The following DLGAP2 variants were observed in gnomAD, a reference collection of about 807,000 sequenced individuals.
DLGAP2 encodes DLG associated protein 2, also known as disks large-associated protein 2.
Under a neutral mutation model 100.3 loss-of-function variants are expected in DLGAP2, and 26 were observed. That is an observed-to-expected ratio of 0.26 (90% CI 0.19 to 0.36). DLGAP2 has a LOEUF of 0.36. DLGAP2 is among the 10% of genes least tolerant of loss of function. DLGAP2 has a pLI of 1.00. For synonymous variants in DLGAP2, 886 were observed against 630.1 expected, an observed-to-expected ratio of 1.41 and a Z score of -6.08; for missense variants, 1,858 against 1,453.2, an observed-to-expected ratio of 1.28 and a Z score of -4.53.
rs557368526 is a variant in DLGAP2 at position 1,043,055 on chromosome 8, A to G, written c.73+135089A>G. On this transcript the variant is annotated intron_variant, in intron 2 of 14. Transcript: ENST00000637795. ...GATGTGGGTGGTGGATGTGGCTGGC[A>G]GGTGGTGGATGTGGGTGGTGGATGT... Among the ~76,000 whole-genome samples, 178 of 36,618 alleles carry G rather than the reference A, an allele frequency of 4.9e-3. 1 individual carries two copies. Among genetic ancestry groups the G allele is most frequent in the Non-Finnish European group, 9.0e-3 (161 of 17,922 alleles). 24.0% of individuals were successfully genotyped at this position (36,618 alleles called of 152,430 possible).
In DLGAP2 at chr8:1,530,254, C is replaced by T. The variant is rs548587768; in HGVS notation, c.173-18372C>T. ...GGGGGGGCTGTTTATAAGCCTATAC[C>T]TCCAGGCACGTATTCTCTTTCCCAG... On this transcript the variant is annotated intron_variant, in intron 4 of 14. Transcript: ENST00000637795. Among the ~76,000 whole-genome samples, 7 of 152,228 alleles carry T rather than the reference C, an allele frequency of 4.6e-5. No homozygotes were observed. The South Asian group carries it at 1.2e-3, about 27-fold the overall frequency.
intron 12 of DLGAP2, 82 bp from the exon 13 acceptor site, chr8:1,691,453 C>A: frequency 1.6e-6 from 2 of 1,215,520 alleles, no homozygotes; most frequent in South Asian, 1.3e-5. Flanking sequence ...GACTCGCTCC[C>A]TTGGTGTGAT....
chr8:1,524,289 T>A (rs1217152882), intron 4 of DLGAP2, among the ~76,000 whole-genome samples: 6 of 151,932 alleles, frequency 3.9e-5, no homozygotes, highest in Non-Finnish European at 5.9e-5. Context: ...CCTTAGAAGG[T>A]TGTCTCTTTA....
chr8:878,929 T>C (rs1298007243), intron 1 of DLGAP2, among the ~76,000 whole-genome samples: 2 of 152,174 alleles, frequency 1.3e-5, no homozygotes, highest in Non-Finnish European at 2.9e-5. Flanking sequence ...CTGCCTCAGA[T>C]ACTGTGTTAT....
intron 2 of DLGAP2, among the ~76,000 whole-genome samples, chr8:1,225,881 T>G (rs1798403680): frequency 6.6e-6 from 1 of 152,246 alleles, no homozygotes; most frequent in African/African-American, 2.4e-5. Context: ...CAGGTTGATT[T>G]AGCCATTCCG....
At chr8:1,087,261 A>G (rs1182552742) in intron 2 of DLGAP2, among the ~76,000 whole-genome samples, 1 of 152,230 alleles carries the variant, frequency 6.6e-6, no homozygotes, top group African/African-American at 2.4e-5. Flanking sequence ...ATATCATAAC[A>G]TTCTGAAGTC....
intron 2 of DLGAP2, among the ~76,000 whole-genome samples, chr8:1,011,420 G>A (rs1339009708): frequency 5.3e-5 from 8 of 149,930 alleles, no homozygotes; most frequent in African/African-American, 2.0e-4. Flanking sequence ...TACACAGTGA[G>A]CCCTGGAATG....
intron 6 of DLGAP2, among the ~76,000 whole-genome samples, chr8:1,599,326 G>T (rs1484119941): frequency 6.6e-6 from 1 of 152,178 alleles, no homozygotes; most frequent in Admixed American, 6.5e-5. Flanking sequence ...GTGCTGAGAA[G>T]AATGTATATT....
At chr8:1,603,969 C>T (rs1222613732) in intron 6 of DLGAP2, among the ~76,000 whole-genome samples, 3 of 152,138 alleles carry the variant, frequency 2.0e-5, no homozygotes, top group Non-Finnish European at 4.4e-5. Flanking sequence ...CACCTCCCCA[C>T]ATACCCCAGC....
At chr8:940,491 C>T (rs568501487) in intron 2 of DLGAP2, among the ~76,000 whole-genome samples, 2 of 152,188 alleles carry the variant, frequency 1.3e-5, no homozygotes, top group African/African-American at 2.4e-5. Context: ...GTGTGGACAT[C>T]GTCTGTGAGT....
At chr8:1,507,418 C>T (rs933165878) in intron 4 of DLGAP2, among the ~76,000 whole-genome samples, 1 of 152,180 alleles carries the variant, frequency 6.6e-6, no homozygotes, top group East Asian at 1.9e-4. Flanking sequence ...CTTCACTGCC[C>T]CGCTGGCGCT....
At chr8:1,438,465 C>T (rs1376678420) in intron 3 of DLGAP2, among the ~76,000 whole-genome samples, 4 of 151,876 alleles carry the variant, frequency 2.6e-5, no homozygotes, top group Non-Finnish European at 5.9e-5. Context: ...TAACAAGGCC[C>T]AAAGAGCTGT....
At chr8:1,209,861 G>A (rs56159350) in intron 2 of DLGAP2, among the ~76,000 whole-genome samples, 2 of 151,522 alleles carry the variant, frequency 1.3e-5, no homozygotes, top group Non-Finnish European at 2.9e-5. Flanking sequence ...CACTCAGAAC[G>A]CCCAGGCATG....
intron 3 of DLGAP2, among the ~76,000 whole-genome samples, chr8:1,490,587 C>G (rs1235159350): frequency 6.6e-6 from 1 of 152,168 alleles, no homozygotes; most frequent in Admixed American, 6.5e-5. Context: ...CAGCCCTGGG[C>G]CACAGTCGGC....
rs953107502 is a variant in DLGAP2 at position 1,634,451 on chromosome 8, C to T, written c.1810+1405C>T. ...CAACACATCCCCCAGGTGCAGCCAC[C>T]GGGCAGCTGTGGGCACCCTGCGTAG... On this transcript the variant is annotated intron_variant, in intron 8 of 14. Coordinates refer to ENST00000637795, the MANE Select transcript of DLGAP2 (RefSeq NM_001346810.2). Among the ~76,000 whole-genome samples, 10 of 152,270 alleles carry T rather than the reference C, an allele frequency of 6.6e-5. No individual in the cohort carries two copies. The East Asian group carries it at 1.5e-3, about 24-fold the overall frequency.
intron 4 of DLGAP2, among the ~76,000 whole-genome samples, chr8:1,515,531 C>G (rs1017787699): frequency 6.6e-6 from 1 of 152,134 alleles, no homozygotes; most frequent in African/African-American, 2.4e-5. Flanking sequence ...CACATGCAGA[C>G]ACACATGCAG....
In DLGAP2 at chr8:746,914, C is replaced by T. The variant is rs79127712; in HGVS notation, c.18+9089C>T. On this transcript the variant is annotated intron_variant, in intron 1 of 14. Transcript: ENST00000637795. ...GACGGTGCCCCTGTTAGGGTGATGT[C>T]GGCCCTGCAGGCGTGATGGGGACAC... Among the ~76,000 whole-genome samples, 576 of 152,300 alleles carry T rather than the reference C, an allele frequency of 3.8e-3. 1 individual carries two copies. Among genetic ancestry groups the T allele is most frequent in the African/African-American group, 0.013 (549 of 41,562 alleles).
chr8:977,221 A>G (rs1020717799), intron 2 of DLGAP2, among the ~76,000 whole-genome samples: 6 of 152,038 alleles, frequency 3.9e-5, no homozygotes, highest in African/African-American at 9.7e-5. Context: ...GCAGAGACCC[A>G]CTCCTTGCCT....
intron 5 of DLGAP2, among the ~76,000 whole-genome samples, chr8:1,550,292 G>A (rs895725703): frequency 6.6e-6 from 1 of 152,200 alleles, no homozygotes; most frequent in Non-Finnish European, 1.5e-5. Context: ...GGCACGCTAT[G>A]GCTTTGTGCG....
Sources: allele counts gnomAD v4.1 joint callset (sites outside exome capture counted in the v4.1 genomes callset), GRCh38; gene constraint gnomAD v4.1.1; transcripts MANE v1.5; gene names NCBI Gene and HGNC (gene_info 2026-07-23, HGNC 2026-07-21).